CELF2: variants seen among roughly 807,000 people sequenced by gnomAD.
CELF2 encodes CUG triplet repeat RNA-binding protein 2.
CELF2 carries 8 observed loss-of-function variants against 62.6 expected under a neutral mutation model. That is an observed-to-expected ratio of 0.13 (90% CI 0.07 to 0.23). The LOEUF (loss-of-function observed/expected upper bound fraction) is 0.23. Among genes scored for constraint, CELF2 ranks in the 10% least tolerant of loss-of-function variants. The probability of loss-of-function intolerance (pLI) is 1.00; values close to 1 mark genes in which losing one functional copy is unlikely to be tolerated. For synonymous variants in CELF2, 258 were observed against 250.0 expected (o/e 1.03, Z -0.30); for missense variants, 333 against 671.0 (o/e 0.50, Z 5.56).
chr10:11,044,120 T>C (rs1291871), intron 1 of CELF2, among the ~76,000 whole-genome samples: 99,779 of 152,134 alleles, frequency 0.66, 34,671 homozygotes, highest in African/African-American at 0.9. Flanking sequence ...GGTCCCTGAC[T>C]ATCATCTCAA....
At chr10:11,153,213 C>G (rs991574535) in intron 1 of CELF2, among the ~76,000 whole-genome samples, 40 of 152,028 alleles carry the variant, frequency 2.6e-4, no homozygotes, top group African/African-American at 9.7e-4. Flanking sequence ...TTCACCTGTC[C>G]CCTCTTAAAT....
In CELF2 at chr10:10,884,786, T is replaced by C. The variant is rs1250541036; in HGVS notation, c.54-35178T>C. On this transcript the variant is annotated intron_variant, in intron 1 of 13. Coordinates refer to the CELF2 transcript ENST00000636488. Reference sequence around the variant, plus strand: ...CCAGCTAGTTTAGAAGCCTTTGCACTTCTATACAGTGCCACTGTGTATGAC... The same window carrying C: ...CCAGCTAGTTTAGAAGCCTTTGCACCTCTATACAGTGCCACTGTGTATGAC... Among the ~76,000 whole-genome samples the C allele has an allele frequency of 3.3e-5, 5 of 152,248 alleles. No homozygotes were observed. The East Asian group carries it at 5.8e-4, about 18-fold the overall frequency.
the CELF2 span, among the ~76,000 whole-genome samples, chr10:10,686,504 A>G: frequency 0.28 from 43,166 of 151,940 alleles, 6,329 homozygotes; most frequent in South Asian, 0.47. Flanking sequence ...CTCCCCTTGA[A>G]TTGTAATAAT....
intron 1 of CELF2, among the ~76,000 whole-genome samples, chr10:11,082,608 C>T (rs909260870): frequency 5.5e-4 from 84 of 152,316 alleles, no homozygotes; most frequent in African/African-American, 1.9e-3. Flanking sequence ...GAGGAGATTA[C>T]TTAGATGAGC....
In CELF2 at chr10:11,311,669, T is replaced by C. The variant is rs764822449; in HGVS notation, c.977-2470T>C. On this transcript the variant is annotated intron_variant, in intron 9 of 12. Transcript: ENST00000633077. The surrounding 1 kb of genome is among the most constrained non-coding windows in gnomAD (Gnocchi z 4.7). The stretch of plus-strand genomic sequence containing the variant: ...TGATAACATTCTAGAAATGAAAAAA[T>C]ATAATCAAATTGTAAAATTTGGAGA... Among the ~76,000 whole-genome samples, 4 of 151,178 alleles carry C rather than the reference T, an allele frequency of 2.6e-5. No individual in the cohort carries two copies. Among genetic ancestry groups the C allele is most frequent in the Admixed American group, 1.3e-4 (2 of 15,208 alleles).
chr10:11,108,722 T>C (rs1595452300), intron 1 of CELF2, among the ~76,000 whole-genome samples: 1 of 152,226 alleles, frequency 6.6e-6, no homozygotes, highest in East Asian at 1.9e-4. Context: ...CCACTTGGTG[T>C]TGACTTTCTC....
intron 1 of CELF2, among the ~76,000 whole-genome samples, chr10:10,864,744 G>A (rs1287213046): frequency 2.0e-5 from 3 of 152,138 alleles, no homozygotes; most frequent in Admixed American, 6.5e-5. Context: ...AGGTGTTAGA[G>A]CTCCAAGATA....
chr10:10,634,666 C>CT, the CELF2 span, among the ~76,000 whole-genome samples: 118,666 of 141,008 alleles, frequency 0.84, 50,294 homozygotes, highest in Non-Finnish European at 0.91. Flanking sequence ...CTTTTCTTTT[C>CT]TTTTTTTTTT....
At chr10:10,573,172 T>A in the CELF2 span, among the ~76,000 whole-genome samples, 51 of 152,338 alleles carry the variant, frequency 3.3e-4, no homozygotes, top group African/African-American at 1.2e-3. Context: ...TAGGTTCATG[T>A]CCTTTGCCCA....
At chr10:10,937,088 T>TCTA (rs1184230404) in intron 2 of CELF2, among the ~76,000 whole-genome samples, 1 of 151,876 alleles carries the variant, frequency 6.6e-6, no homozygotes, top group Non-Finnish European at 1.5e-5. Flanking sequence ...TTTTATTTAT[T>TCTA]CTACCTTCTT....
At chr10:11,033,208 C>G (rs2060403018) in intron 1 of CELF2, among the ~76,000 whole-genome samples, 1 of 151,358 alleles carries the variant, frequency 6.6e-6, no homozygotes, top group African/African-American at 2.4e-5. Context: ...ATTTGTACAT[C>G]TCATGAATTC....
At chr10:10,697,540 C>T in the CELF2 span, among the ~76,000 whole-genome samples, 1,294 of 152,312 alleles carry the variant, frequency 8.5e-3, 7 homozygotes, top group African/African-American at 0.012. Flanking sequence ...AAGAAATTGA[C>T]TTCTCACAGT....
At chr10:10,786,932 A>C in the CELF2 span, among the ~76,000 whole-genome samples, 1 of 150,430 alleles carries the variant, frequency 6.6e-6, no homozygotes, top group Non-Finnish European at 1.5e-5. Flanking sequence ...AGTGCAGGGA[A>C]GGAAAAGCTA....
chr10:11,174,325 A>G (rs1423116043), intron 2 of CELF2, among the ~76,000 whole-genome samples: 1 of 152,206 alleles, frequency 6.6e-6, no homozygotes, highest in Admixed American at 6.5e-5. Context: ...CTAGTTAGCT[A>G]CACTGGGGAA....
At chr10:10,498,201 C>T in the CELF2 span, among the ~76,000 whole-genome samples, 74,843 of 151,956 alleles carry the variant, frequency 0.49, 21,732 homozygotes, top group Non-Finnish European at 0.67. Flanking sequence ...CGGAAGGCGC[C>T]CATTTCAGGA....
chr10:10,977,085 C>T (rs751424758), intron 2 of CELF2, among the ~76,000 whole-genome samples: 1 of 149,220 alleles, frequency 6.7e-6, no homozygotes, highest in Admixed American at 6.6e-5. Context: ...TAGACCAATT[C>T]TTGACAGCTT....
At chr10:10,960,547 T>C (rs17149174) in intron 2 of CELF2, among the ~76,000 whole-genome samples, 24,350 of 152,284 alleles carry the variant, frequency 0.16, 2,062 homozygotes, top group Middle Eastern at 0.27. Flanking sequence ...AATTTCTTGA[T>C]TCATCGGAGA....
intron 1 of CELF2, among the ~76,000 whole-genome samples, chr10:11,032,727 G>A (rs956218678): frequency 1.3e-5 from 2 of 152,108 alleles, no homozygotes; most frequent in Non-Finnish European, 2.9e-5. Context: ...CAAAATAGAA[G>A]CAGAATAAAT....
chr10:11,175,215 A>C (rs1185429601), intron 2 of CELF2, among the ~76,000 whole-genome samples: 2 of 152,158 alleles, frequency 1.3e-5, no homozygotes, highest in Non-Finnish European at 2.9e-5. Context: ...GATATCAAGG[A>C]GATGGAGGAG....
Sources: allele counts gnomAD v4.1 joint callset (sites outside exome capture counted in the v4.1 genomes callset), GRCh38; gene constraint gnomAD v4.1.1; non-coding constraint Gnocchi (gnomAD v3.1); transcripts MANE v1.5; gene names NCBI Gene and HGNC (gene_info 2026-07-23, HGNC 2026-07-21).